ZFHX3: variants seen among roughly 807,000 people sequenced by gnomAD.
ZFHX3 encodes the protein zinc finger homeobox protein 3.
In ZFHX3, 42 loss-of-function variants were observed where a neutral mutation model predicts 279.1. The observed-to-expected ratio is 0.15, with a 90% CI of 0.12 to 0.19. ZFHX3 has a LOEUF of 0.19. Among genes scored for constraint, ZFHX3 ranks in the 10% least tolerant of loss-of-function variants. The pLI, the probability that ZFHX3 is intolerant of heterozygous loss-of-function variation, is 1.00. For missense variants in ZFHX3, 4,981 were observed against 4,754.0 expected, an observed-to-expected ratio of 1.05 and a Z score of -1.40; for synonymous variants, 2,293 against 1,957.8, an observed-to-expected ratio of 1.17 and a Z score of -4.52.
rs145651790 is a variant in ZFHX3, at chr16:73,520,473, A to G, written c.-1546-64215T>C. Among the ~76,000 whole-genome samples, 409 of 152,342 alleles carry G rather than the reference A, an allele frequency of 2.7e-3. 1 individual carries two copies. Among genetic ancestry groups the G allele is most frequent in the Non-Finnish European group, 4.4e-3 (298 of 68,028 alleles). ...TTTTAGAAAAATTATGTAATTATGA[A>G]ATAATTGTCTTGGTAAATTTCAGTT... On this transcript the variant is annotated intron_variant, in intron 2 of 17. Transcript: ENST00000641206.
intron 2 of ZFHX3, among the ~76,000 whole-genome samples, chr16:73,535,484 C>T (rs918222693): frequency 2.0e-4 from 30 of 152,122 alleles, no homozygotes. Flanking sequence ...GGAGTTAAAC[C>T]TTCAAGAACC....
At chr16:73,151,726 A>G (rs1487351585) in intron 5 of ZFHX3, among the ~76,000 whole-genome samples, 1 of 152,182 alleles carries the variant, frequency 6.6e-6, no homozygotes, top group Admixed American at 6.5e-5. Context: ...GAATTCCTCT[A>G]AATTCCCATG....
At chr16:72,921,247 G>C (rs575253263) in intron 3 of ZFHX3, among the ~76,000 whole-genome samples, 1 of 152,132 alleles carries the variant, frequency 6.6e-6, no homozygotes, top group South Asian at 2.1e-4. Flanking sequence ...GAGGGTAACC[G>C]GGTGGTGTCA....
At chr16:73,812,229 C>T (rs1314203643) in intron 1 of ZFHX3, among the ~76,000 whole-genome samples, 2 of 152,174 alleles carry the variant, frequency 1.3e-5, no homozygotes, top group African/African-American at 4.8e-5. Flanking sequence ...ATGGGCTGGG[C>T]ATCCATCCAG....
At chr16:72,888,467 C>A (rs1179484448) in intron 4 of ZFHX3, among the ~76,000 whole-genome samples, 3 of 152,170 alleles carry the variant, frequency 2.0e-5, no homozygotes, top group African/African-American at 7.2e-5. Context: ...GTCCAGGAAG[C>A]TGTACAAAGG....
chr16:73,312,222 T>C (rs2015344380), intron 4 of ZFHX3, among the ~76,000 whole-genome samples: 1 of 152,154 alleles, frequency 6.6e-6, no homozygotes, highest in Admixed American at 6.5e-5. Context: ...ATGTTTAGTC[T>C]GACGACAAGA....
At chr16:73,226,441 C>T (rs1259298246) in intron 5 of ZFHX3, among the ~76,000 whole-genome samples, 1 of 152,224 alleles carries the variant, frequency 6.6e-6, no homozygotes, top group Admixed American at 6.5e-5. Flanking sequence ...CTTTAGTCAA[C>T]ATTTAAAATT....
chr16:72,974,827 C>G (rs2144520893), intron 1 of ZFHX3, among the ~76,000 whole-genome samples: 1 of 152,310 alleles, frequency 6.6e-6, no homozygotes, highest in Non-Finnish European at 1.5e-5. Flanking sequence ...CGAGAGACCC[C>G]TTTGGGATGT....
intron 3 of ZFHX3, among the ~76,000 whole-genome samples, chr16:72,903,089 T>G (rs1157711591): frequency 7.0e-6 from 1 of 142,702 alleles, no homozygotes; most frequent in East Asian, 1.9e-4. Context: ...GGGGAACCCA[T>G]GAGGAAGGGA....
chr16:73,165,322 GT>G (rs1286266885), intron 5 of ZFHX3, among the ~76,000 whole-genome samples: 1 of 152,174 alleles, frequency 6.6e-6, no homozygotes, highest in African/African-American at 2.4e-5. Context: ...CGCAGAAAAT[GT>G]TTCAACAGGA....
Position 72,898,360 on chromosome 16 carries a change from C to T in ZFHX3, c.3217-8398G>A, listed in dbSNP as rs375753953. 1.2e-4 allele frequency among the ~76,000 whole-genome samples: 18 copies of T among 152,242 alleles called. 1 individual carries two copies. The highest frequency in any genetic ancestry group is 8.3e-4 in the South Asian group (4 of 4,822). The stretch of plus-strand genomic sequence containing the variant: ...GGTTTCTAGGCCAGGCTCCTTAGGC[C>T]GTGGAACAAGCCATGATTGCTCACT... On this transcript the variant is annotated intron_variant, in intron 3 of 9. Coordinates refer to ENST00000268489, the MANE Select transcript of ZFHX3 (RefSeq NM_006885.4).
chr16:73,684,461 T>C (rs947656054), intron 1 of ZFHX3, among the ~76,000 whole-genome samples: 1 of 152,074 alleles, frequency 6.6e-6, no homozygotes, highest in Non-Finnish European at 1.5e-5. Context: ...TAGATAACTC[T>C]GAGCATCCTA....
chr16:73,603,294 AAAG>A, intron 2 of ZFHX3, among the ~76,000 whole-genome samples: 2 of 150,478 alleles, frequency 1.3e-5, no homozygotes, highest in African/African-American at 5.0e-5. Context: ...CAAAAAAAAA[AAAG>A]AAAGAAAAGA....
intron 2 of ZFHX3, among the ~76,000 whole-genome samples, chr16:73,467,378 A>G (rs1460554866): frequency 1.3e-5 from 2 of 152,236 alleles, no homozygotes; most frequent in East Asian, 1.9e-4. Flanking sequence ...CTAGGTCACA[A>G]TTCTTGGCTC....
chr16:73,033,470 T>C (rs1316266351), intron 1 of ZFHX3, among the ~76,000 whole-genome samples: 1 of 152,160 alleles, frequency 6.6e-6, no homozygotes, highest in Non-Finnish European at 1.5e-5. Context: ...GCACAGGGCC[T>C]GATCATATCC....
intron 3 of ZFHX3, among the ~76,000 whole-genome samples, chr16:73,345,716 T>C (rs1251485483): frequency 1.3e-5 from 2 of 152,206 alleles, no homozygotes; most frequent in Non-Finnish European, 2.9e-5. Flanking sequence ...TGCATGTATC[T>C]CTGTAACAGA....
At chr16:73,785,034 A>C (rs1959601868) in intron 1 of ZFHX3, among the ~76,000 whole-genome samples, 2 of 152,042 alleles carry the variant, frequency 1.3e-5, no homozygotes, top group Admixed American at 6.6e-5. Context: ...TTCTCTTAAA[A>C]TATTGTTTGA....
chr16:72,804,163 A>G (rs1225282314), intron 7 of ZFHX3, among the ~76,000 whole-genome samples: 1 of 152,252 alleles, frequency 6.6e-6, no homozygotes, highest in African/African-American at 2.4e-5. Context: ...GAAGCGTTCC[A>G]CATTGATGCT....
At chr16:73,643,079 G>C (rs947423231) in intron 2 of ZFHX3, among the ~76,000 whole-genome samples, 1 of 152,176 alleles carries the variant, frequency 6.6e-6, no homozygotes, top group African/African-American at 2.4e-5. Flanking sequence ...GGAGTGCTAA[G>C]CATAAGAGAT....
Sources: allele counts gnomAD v4.1 joint callset (sites outside exome capture counted in the v4.1 genomes callset), GRCh38; gene constraint gnomAD v4.1.1; transcripts MANE v1.5; gene names NCBI Gene and HGNC (gene_info 2026-07-23, HGNC 2026-07-21).